The following ANKHD1 variants were observed in gnomAD, a reference collection of about 807,000 sequenced individuals.
ANKHD1 encodes the protein ankyrin repeat and KH domain containing 1.
In ANKHD1, 31 loss-of-function variants were observed where a neutral mutation model predicts 230.5. That is an observed-to-expected ratio of 0.13 (90% confidence interval 0.10 to 0.18). ANKHD1 has a LOEUF of 0.18. Among genes scored for constraint, ANKHD1 ranks in the 10% least tolerant of loss-of-function variants. The pLI is 1.00. For missense variants in ANKHD1, 2,256 were observed against 3,071.3 expected (o/e 0.73, Z 6.27); for synonymous variants, 1,074 against 1,117.6 (o/e 0.96, Z 0.78).
rs201013520 is a variant in ANKHD1 at position 140,476,503 on chromosome 5, CCTT to C, written c.1783-6074_1783-6072del. Among the ~76,000 whole-genome samples the C allele has an allele frequency of 8.4e-3, 1,277 of 152,180 alleles. 11 individuals are homozygous for C. Among genetic ancestry groups the C allele is most frequent in the Middle Eastern group, 0.02 (6 of 294 alleles). On this transcript the variant is annotated intron_variant, in intron 10 of 33. Coordinates refer to ENST00000360839, the MANE Select transcript of ANKHD1 (RefSeq NM_017747.3). ...AAAAAAACAACCATCAAAGTTTTGA[CCTT>C]CTCATCAGCAATAATAAATTACAGA...
chr5:140,416,227 G>C (rs1043918561), intron 1 of ANKHD1, among the ~76,000 whole-genome samples: 5 of 152,198 alleles, frequency 3.3e-5, no homozygotes, highest in Non-Finnish European at 7.3e-5. Context: ...TTGCTATTGT[G>C]AATAGTGCCG....
At position 140,473,476 on chromosome 5, in the gene ANKHD1, T is replaced by C. The variant is rs558220879; in HGVS notation, c.1782+8700T>C. On this transcript the variant is annotated intron_variant, in intron 10 of 33. Transcript: ENST00000360839. ...TTTTTTTTGAGACAGGGTCTCACTC[T>C]GTTGCTCAGGCTGGAATGCAGTGGT... is the stretch of plus-strand genomic sequence containing the variant. 1.1e-4 allele frequency among the ~76,000 whole-genome samples: 17 copies of C among 152,252 alleles called. No individual in the cohort carries two copies. The South Asian group carries it at 2.7e-3, about 24-fold the overall frequency.
At chr5:140,491,268 A>G (rs768425218) in intron 14 of ANKHD1, among the ~76,000 whole-genome samples, 10 of 147,668 alleles carry the variant, frequency 6.8e-5, no homozygotes, top group Admixed American at 2.1e-4. Context: ...GGTTCAAGCA[A>G]TCCTCCTGCC....
At chr5:140,439,984 G>A (rs575518375) in intron 3 of ANKHD1, 135 bp from the exon 4 acceptor site, 1 of 1,126,282 alleles carries the variant, frequency 8.9e-7, no homozygotes, top group Non-Finnish European at 1.2e-6. Flanking sequence ...TGCTCAGCAA[G>A]TAATATGTTC....
chr5:140,436,713 T>TC lies in ANKHD1; in HGVS notation c.460+458dup, dbSNP rs537365431. ...GTGAGCCGAGATCATGCCATAGCACTCCATCCTGGGCAACAGAGCGAGACT... is the reference window on the plus strand; with the variant it reads ...GTGAGCCGAGATCATGCCATAGCACTCCCATCCTGGGCAACAGAGCGAGACT... On this transcript the variant is annotated intron_variant, in intron 2 of 33. Coordinates refer to ENST00000360839, the MANE Select transcript of ANKHD1 (RefSeq NM_017747.3). Among the ~76,000 whole-genome samples, 246 of 145,358 alleles carry TC rather than the reference T, an allele frequency of 1.7e-3. 2 individuals are homozygous for TC. Among genetic ancestry groups the TC allele is most frequent in the Middle Eastern group, 0.015 (4 of 266 alleles).
In ANKHD1 at chr5:140,507,529, A is replaced by G. The variant is rs2127055021; in HGVS notation, c.3552-256A>G. Reference sequence around the variant, plus strand: ...TCCATGTTGGTCAGGCTGGTCTCAAACTCCCGACCTCAGGTGATCTGCCCT... The same window carrying G: ...TCCATGTTGGTCAGGCTGGTCTCAAGCTCCCGACCTCAGGTGATCTGCCCT... On this transcript the variant is annotated intron_variant, in intron 19 of 33. Coordinates refer to ENST00000360839, the MANE Select transcript of ANKHD1 (RefSeq NM_017747.3). This position sits in a 1 kb window ranked among gnomAD's most constrained non-coding sequence, Gnocchi z 4.1. Among the ~76,000 whole-genome samples the G allele has an allele frequency of 6.6e-6, 1 of 151,852 alleles. No individual in the cohort carries two copies. Among genetic ancestry groups the G allele is most frequent in the African/African-American group, 2.4e-5 (1 of 41,418 alleles).
chr5:140,497,272 A>G lies in ANKHD1; in HGVS notation c.2998A>G (p.Ile1000Val), dbSNP rs766553503. 6.3e-7 allele frequency: 1 copy of G among 1,599,810 alleles called. No individual in the cohort carries two copies. The highest frequency in any genetic ancestry group is 8.5e-7 in the Non-Finnish European group (1 of 1,178,250). The stretch of plus-strand genomic sequence containing the variant: ...GCTTACCGACACTCTTGATGACCTG[A>G]TAGCAGGTGGGTTAAGAAATATATC... ...QTLTDTLDDL[I>V]AAVSTRVPTG... The change falls in exon 15 of 34, where the codon ATA (isoleucine) becomes GTA (valine). Residue 1000 changes from isoleucine to valine, a missense_variant. Physicochemically the swap from Ile to Val is conservative, Grantham distance 29. Around this residue, in one of 13 missense-constraint regions of ANKHD1, gnomAD observed 358 missense variants for 397.7 expected, o/e 0.90. Transcript: ENST00000360839.
chr5:140,494,726 G>T (rs551315643), intron 14 of ANKHD1, among the ~76,000 whole-genome samples: 1 of 151,840 alleles, frequency 6.6e-6, no homozygotes, highest in South Asian at 2.1e-4. Flanking sequence ...AACATTTCAT[G>T]TCTCTAAATG....
chr5:140,514,043 G>A (rs1752876468), intron 24 of ANKHD1, among the ~76,000 whole-genome samples: 1 of 151,336 alleles, frequency 6.6e-6, no homozygotes, highest in Non-Finnish European at 1.5e-5. Context: ...AAAACAGTTG[G>A]GCATGGTGGT....
chr5:140,537,189 T>C lies in ANKHD1; in HGVS notation c.7028-200T>C, dbSNP rs931245882. ...CAGAAATCGTGTAGGATAATGTCTA[T>C]AGAAATTATGTTTTATTTGAATGTT... On this transcript the variant is annotated intron_variant, in intron 30 of 33. Transcript: ENST00000360839. 5.4e-5 allele frequency: 52 copies of C among 969,062 alleles called. 1 individual carries two copies. Among genetic ancestry groups the C allele is most frequent in the Non-Finnish European group, 3.3e-5 (23 of 705,938 alleles). 60.0% of individuals were successfully genotyped at this position (969,062 alleles called of 1,614,324 possible).
At chr5:140,513,314 A>C (rs749214518) in intron 23 of ANKHD1, 49 bp from the exon 24 acceptor site, 26 of 1,541,860 alleles carry the variant, frequency 1.7e-5, no homozygotes, top group Non-Finnish European at 2.1e-5. Flanking sequence ...CTTAAGTTTT[A>C]TTTGGCCTCT....
intron 1 of ANKHD1, 100 bp from the exon 2 acceptor site, chr5:140,436,004 A>AT (rs976505358): frequency 7.5e-7 from 1 of 1,326,648 alleles, no homozygotes. Flanking sequence ...TTCTGCTTAT[A>AT]TTTAAGTTCT....
intron 1 of ANKHD1, among the ~76,000 whole-genome samples, chr5:140,404,899 C>T (rs556559299): frequency 6.6e-6 from 1 of 151,848 alleles, no homozygotes; most frequent in Admixed American, 6.6e-5. Flanking sequence ...TAAATTTCTT[C>T]ACAGGTAGAG....
rs560415464 is a variant in ANKHD1, at chr5:140,444,245, C to T, written c.914-1497C>T. Among the ~76,000 whole-genome samples the T allele has an allele frequency of 4.6e-5, 7 of 152,218 alleles. No homozygotes were observed. In the East Asian group the frequency reaches 7.7e-4, roughly 17 times the overall value. ...CTCAAACCCCACAGATACCCCTCCTCGCTTCCACTGATTTCCTTAACTCAT... is the reference window on the plus strand; with the variant it reads ...CTCAAACCCCACAGATACCCCTCCTTGCTTCCACTGATTTCCTTAACTCAT... On this transcript the variant is annotated intron_variant, in intron 5 of 33. Coordinates refer to ENST00000360839, the MANE Select transcript of ANKHD1 (RefSeq NM_017747.3).
rs190830535 is a variant in ANKHD1 at position 140,422,791 on chromosome 5, C to T, written c.307-13313C>T. Among the ~76,000 whole-genome samples, 869 of 142,936 alleles carry T rather than the reference C, an allele frequency of 6.1e-3. 5 individuals are homozygous for T. Among genetic ancestry groups the T allele is most frequent in the Admixed American group, 0.013 (180 of 14,054 alleles). The allele number at this position is 142,936 out of a possible 152,430, so 93.8% of individuals were successfully genotyped here. A position where few individuals can be genotyped will look rare whatever the true frequency, so the allele number is the denominator to read the frequency against. ...CACCATTGCACTCCAGCCTGGGTGACGGAGCAAGACTCTGTCTTGGGGGGG... is the reference window on the plus strand; with the variant it reads ...CACCATTGCACTCCAGCCTGGGTGATGGAGCAAGACTCTGTCTTGGGGGGG... On this transcript the variant is annotated intron_variant, in intron 1 of 33. Coordinates refer to ENST00000360839, the MANE Select transcript of ANKHD1 (RefSeq NM_017747.3).
chr5:140,425,548 T>G (rs1772340321), intron 1 of ANKHD1, among the ~76,000 whole-genome samples: 1 of 149,158 alleles, frequency 6.7e-6, no homozygotes, highest in Non-Finnish European at 1.5e-5. Context: ...CATGAGCCAC[T>G]GCCCCAGGCC....
At chr5:140,536,184 C>A (rs1266121304) in intron 30 of ANKHD1, among the ~76,000 whole-genome samples, 1 of 152,204 alleles carries the variant, frequency 6.6e-6, no homozygotes, top group Non-Finnish European at 1.5e-5. Flanking sequence ...CCTTCTGCCT[C>A]CCAGGCTCAA....
intron 7 of ANKHD1, among the ~76,000 whole-genome samples, chr5:140,453,508 G>A (rs547598149): frequency 1.1e-3 from 169 of 152,242 alleles, no homozygotes; most frequent in Non-Finnish European, 1.2e-3. Context: ...GACTAACAGC[G>A]GATCTCTTGG....
At chr5:140,408,162 G>A (rs1237815160) in intron 1 of ANKHD1, among the ~76,000 whole-genome samples, 1 of 152,076 alleles carries the variant, frequency 6.6e-6, no homozygotes, top group Non-Finnish European at 1.5e-5. Context: ...GGGTAACAGA[G>A]CAAGACTCCA....
Sources: gnomAD v4.1 joint callset for allele counts (sites outside exome capture counted in the v4.1 genomes callset) on GRCh38, gnomAD v4.1.1 for gene constraint, gnomAD v4.1.1 regional missense constraint, Gnocchi (gnomAD v3.1) non-coding constraint, MANE v1.5 for transcripts, NCBI Gene and HGNC (gene_info 2026-07-23, HGNC 2026-07-21) for gene names.